The following PDE4D variants were observed in gnomAD, a reference collection of about 807,000 sequenced individuals.
PDE4D encodes the protein 3',5'-cyclic-AMP phosphodiesterase 4D.
In PDE4D, 24 loss-of-function variants were observed where a neutral mutation model predicts 87.4. That is an observed-to-expected ratio of 0.27 (90% confidence interval 0.20 to 0.39). The LOEUF (loss-of-function observed/expected upper bound fraction) is 0.39, where lower values mean the gene tolerates loss of function less well. Among genes scored for constraint, PDE4D ranks in the 10% least tolerant of loss-of-function variants. The probability of loss-of-function intolerance (pLI) is 1.00; values close to 1 mark genes in which losing one functional copy is unlikely to be tolerated. For synonymous variants in PDE4D, 384 were observed against 383.2 expected (o/e 1.00, Z -0.02); for missense variants, 714 against 1,041.0 (o/e 0.69, Z 4.32).
chr5:59,073,923 C>A (rs1765279019), intron 5 of PDE4D, among the ~76,000 whole-genome samples: 1 of 152,106 alleles, frequency 6.6e-6, no homozygotes, highest in Non-Finnish European at 1.5e-5. Flanking sequence ...AAACTGAGAT[C>A]AAAAACTACT....
intron 1 of PDE4D, among the ~76,000 whole-genome samples, chr5:60,306,859 G>T (rs949669616): frequency 3.3e-5 from 5 of 151,852 alleles, no homozygotes; most frequent in African/African-American, 4.8e-5. Flanking sequence ...TAGAAAAGTC[G>T]ATCTAAACCA....
chr5:59,890,602 C>T (rs958523598), intron 1 of PDE4D, among the ~76,000 whole-genome samples: 4 of 152,144 alleles, frequency 2.6e-5, no homozygotes, highest in East Asian at 1.9e-4. Context: ...ATAAACTTCA[C>T]GTTGGTTTCA....
intron 5 of PDE4D, among the ~76,000 whole-genome samples, chr5:59,102,623 A>T (rs1770949467): frequency 6.6e-6 from 1 of 152,222 alleles, no homozygotes; most frequent in Admixed American, 6.5e-5. Flanking sequence ...CAAAGGGGAA[A>T]AAGCCTGTCA....
intron 1 of PDE4D, among the ~76,000 whole-genome samples, chr5:59,830,957 T>C (rs190696232): frequency 6.6e-6 from 1 of 152,044 alleles, no homozygotes; most frequent in Non-Finnish European, 1.5e-5. Flanking sequence ...AGGGCACAGA[T>C]AGCAAGAAGC....
At chr5:60,446,402 A>G (rs894222062) in intron 1 of PDE4D, among the ~76,000 whole-genome samples, 5 of 152,178 alleles carry the variant, frequency 3.3e-5, no homozygotes, top group African/African-American at 9.6e-5. Flanking sequence ...TTAAAAAACT[A>G]TAAAAAATTA....
rs73758509 is a variant in PDE4D at position 59,463,615 on chromosome 5, T to G, written c.456-247647A>C. ...AATTTATGATAATCATTCTATTGTT[T>G]GAATTTTCCATTGCTAGATAATGCA... On this transcript the variant is annotated intron_variant, in intron 1 of 14. Transcript: ENST00000340635. Among the ~76,000 whole-genome samples, 1,122 of 152,326 alleles carry G rather than the reference T, an allele frequency of 7.4e-3. 16 individuals are homozygous for G. Among genetic ancestry groups the G allele is most frequent in the African/African-American group, 0.025 (1,021 of 41,568 alleles).
intron 2 of PDE4D, among the ~76,000 whole-genome samples, chr5:59,990,575 T>C (rs935428605): frequency 2.6e-5 from 4 of 152,270 alleles, no homozygotes; most frequent in South Asian, 4.1e-4. Context: ...AAAAGAAAGT[T>C]CATTTATTTC....
chr5:59,771,450 A>AGAGAG (rs1561636763), intron 1 of PDE4D, among the ~76,000 whole-genome samples: 12 of 73,680 alleles, frequency 1.6e-4, no homozygotes, highest in African/African-American at 6.6e-4. Flanking sequence ...AGAAAGAAAG[A>AGAGAG]AAGAAAGAAA....
At chr5:59,563,759 C>T (rs1820446874) in intron 1 of PDE4D, among the ~76,000 whole-genome samples, 1 of 152,212 alleles carries the variant, frequency 6.6e-6, no homozygotes, top group Admixed American at 6.5e-5. Flanking sequence ...CACCAAGTTT[C>T]ACCATCCCTC....
chr5:60,133,172 A>G (rs1401327235), intron 2 of PDE4D, among the ~76,000 whole-genome samples: 1 of 152,178 alleles, frequency 6.6e-6, no homozygotes, highest in African/African-American at 2.4e-5. Flanking sequence ...CCTCATATCT[A>G]TCAAATAAAG....
intron 1 of PDE4D, among the ~76,000 whole-genome samples, chr5:59,312,607 T>A (rs1250524128): frequency 6.6e-6 from 1 of 152,128 alleles, no homozygotes; most frequent in Non-Finnish European, 1.5e-5. Context: ...CACACCAAAC[T>A]TAAACCCAGA....
At chr5:59,116,639 C>G (rs1398018291) in intron 5 of PDE4D, among the ~76,000 whole-genome samples, 1 of 152,162 alleles carries the variant, frequency 6.6e-6, no homozygotes. Context: ...ATGCTCTGCA[C>G]GTACTCCACG....
intron 1 of PDE4D, among the ~76,000 whole-genome samples, chr5:60,396,161 C>A (rs549810941): frequency 6.6e-6 from 1 of 152,306 alleles, no homozygotes; most frequent in South Asian, 2.1e-4. Flanking sequence ...TTATCCACTG[C>A]GCATGTTCCC....
intron 1 of PDE4D, among the ~76,000 whole-genome samples, chr5:59,222,048 C>T (rs901678604): frequency 6.6e-6 from 1 of 152,146 alleles, no homozygotes; most frequent in African/African-American, 2.4e-5. Flanking sequence ...TACTCATGAC[C>T]ATTTACTCCA....
chr5:59,244,380 A>C (rs1378253555), intron 1 of PDE4D, among the ~76,000 whole-genome samples: 4 of 151,912 alleles, frequency 2.6e-5, no homozygotes, highest in African/African-American at 9.7e-5. Context: ...CCTGGGCGAT[A>C]GGGCGACTTC....
At chr5:60,418,651 A>G (rs1561231296) in intron 1 of PDE4D, among the ~76,000 whole-genome samples, 1 of 152,046 alleles carries the variant, frequency 6.6e-6, no homozygotes, top group African/African-American at 2.4e-5. Flanking sequence ...AGATGTTTAC[A>G]CAGAGACATG....
At chr5:60,412,513 C>T (rs1742129451) in intron 1 of PDE4D, among the ~76,000 whole-genome samples, 1 of 152,026 alleles carries the variant, frequency 6.6e-6, no homozygotes, top group Non-Finnish European at 1.5e-5. Flanking sequence ...TGTATTATTC[C>T]CAAGGAGACA....
At chr5:60,254,670 A>G (rs1002298428) in intron 1 of PDE4D, among the ~76,000 whole-genome samples, 3 of 152,000 alleles carry the variant, frequency 2.0e-5, no homozygotes, top group East Asian at 3.9e-4. Flanking sequence ...TAAAGTGCAA[A>G]AAGCAGGAGA....
At chr5:59,612,562 AG>A (rs1290030178) in intron 1 of PDE4D, among the ~76,000 whole-genome samples, 16 of 152,142 alleles carry the variant, frequency 1.1e-4, no homozygotes, top group African/African-American at 3.9e-4. Flanking sequence ...GTGGTAGGAG[AG>A]ATGAAAAATA....
Sources: allele counts gnomAD v4.1 joint callset (sites outside exome capture counted in the v4.1 genomes callset), GRCh38; gene constraint gnomAD v4.1.1; transcripts MANE v1.5; gene names NCBI Gene and HGNC (gene_info 2026-07-23, HGNC 2026-07-21).